The following INO80C variants were observed in gnomAD, a reference collection of about 807,000 sequenced individuals.
The protein encoded by INO80C is IES6 homolog.
A neutral mutation model predicts 17.7 loss-of-function variants in INO80C; 17 were observed. The observed-to-expected ratio is 0.96, with a 90% confidence interval of 0.66 to 1.44. The LOEUF is 1.44. Ranked by LOEUF, INO80C falls within the 40% of genes most tolerant of loss-of-function variation. The probability of loss-of-function intolerance (pLI) is 0.00; values close to 1 mark genes in which losing one functional copy is unlikely to be tolerated. For missense variants in INO80C, 244 were observed against 245.0 expected (o/e 1.00, Z 0.03); for synonymous variants, 96 against 95.8 (o/e 1.00, Z -0.01).
intron 1 of INO80C, among the ~76,000 whole-genome samples, chr18:35,488,121 C>A (rs1480196908): frequency 6.6e-6 from 1 of 152,204 alleles, no homozygotes; most frequent in Non-Finnish European, 1.5e-5. Context: ...CACAGGCTGG[C>A]GTTGAGTGTC....
chr18:35,497,366 T>A (rs923721277), intron 1 of INO80C: 2 of 1,059,056 alleles, frequency 1.9e-6, no homozygotes, highest in Non-Finnish European at 2.3e-6. Context: ...ACTGGGTAGA[T>A]GTCTGCAGAA....
chr18:35,475,335 A>C (rs544758781), intron 4 of INO80C, among the ~76,000 whole-genome samples: 29 of 152,354 alleles, frequency 1.9e-4, no homozygotes, highest in African/African-American at 6.3e-4. Context: ...CAGACTTGAA[A>C]ATGTCATTCA....
intron 2 of INO80C, among the ~76,000 whole-genome samples, chr18:35,479,624 GAGTT>G (rs1282700380): frequency 6.6e-6 from 1 of 151,832 alleles, no homozygotes; most frequent in Non-Finnish European, 1.5e-5. Context: ...CAAAACCCTT[GAGTT>G]AGTTTGTGCT....
At chr18:35,490,084 G>A (rs1345750689) in intron 1 of INO80C, among the ~76,000 whole-genome samples, 3 of 152,172 alleles carry the variant, frequency 2.0e-5, no homozygotes, top group African/African-American at 7.2e-5. Context: ...CCTGGTTCCT[G>A]AGAAGGAAGG....
chr18:35,469,134 G>A (rs1295495247), intron 4 of INO80C, among the ~76,000 whole-genome samples: 16 of 152,162 alleles, frequency 1.1e-4, no homozygotes, highest in Admixed American at 1.0e-3. Flanking sequence ...TGCTGGGCAT[G>A]TGCCCCTCCC....
At chr18:35,495,197 T>A (rs1598753363) in intron 1 of INO80C, among the ~76,000 whole-genome samples, 1 of 152,174 alleles carries the variant, frequency 6.6e-6, no homozygotes, top group South Asian at 2.1e-4. Flanking sequence ...GGGAGGCCAA[T>A]GTGGGCAGAT....
At chr18:35,474,486 A>G (rs995535713) in intron 4 of INO80C, among the ~76,000 whole-genome samples, 2 of 151,600 alleles carry the variant, frequency 1.3e-5, no homozygotes, top group African/African-American at 4.8e-5. Flanking sequence ...CCGGGAGTTC[A>G]GGACCAGCCT....
At chr18:35,470,501 T>G (rs1277230669) in intron 4 of INO80C, among the ~76,000 whole-genome samples, 3 of 152,184 alleles carry the variant, frequency 2.0e-5, no homozygotes, top group Non-Finnish European at 2.9e-5. Flanking sequence ...TTAGGTTAAC[T>G]AGCAGGAGAG....
intron 1 of INO80C, among the ~76,000 whole-genome samples, chr18:35,496,139 T>C (rs751760551): frequency 2.0e-5 from 3 of 152,248 alleles, no homozygotes; most frequent in Non-Finnish European, 4.4e-5. Flanking sequence ...GCCTACCTTC[T>C]GACTCAGCAA....
At chr18:35,477,518 C>A (rs1412033337) in intron 4 of INO80C, among the ~76,000 whole-genome samples, 1 of 152,072 alleles carries the variant, frequency 6.6e-6, no homozygotes, top group African/African-American at 2.4e-5. Context: ...AGGATTAAGA[C>A]CCTGACATGC....
chr18:35,474,231 A>ATATATATATATATATG (rs1555636173), intron 4 of INO80C, among the ~76,000 whole-genome samples: 3 of 133,688 alleles, frequency 2.2e-5, no homozygotes, highest in African/African-American at 8.3e-5. Context: ...ATATATATAT[A>ATATATATATATATATG]TATATATATA....
chr18:35,487,631 T>C (rs1043754526), intron 1 of INO80C: 1 of 161,906 alleles, frequency 6.2e-6, no homozygotes, highest in Non-Finnish European at 1.4e-5. Flanking sequence ...CAATTCAAGA[T>C]GAGATTTGGG....
intron 4 of INO80C, among the ~76,000 whole-genome samples, chr18:35,470,943 G>T (rs981583751): frequency 1.3e-5 from 2 of 152,138 alleles, no homozygotes; most frequent in African/African-American, 4.8e-5. Context: ...ACAGCTTCAG[G>T]CCCCCCTTGC....
At chr18:35,496,737 GCAGGTCTCGAA>G (rs2045985134) in intron 1 of INO80C, 1 of 152,202 alleles carries the variant, frequency 6.6e-6, no homozygotes, top group Non-Finnish European at 1.5e-5. Flanking sequence ...GGGTTGGGGA[GCAGGTCTCGAA>G]CTCCTGTCCT....
At chr18:35,496,910 G>A (rs990314698) in intron 1 of INO80C, 1 of 152,194 alleles carries the variant, frequency 6.6e-6, no homozygotes, top group African/African-American at 2.4e-5. Flanking sequence ...ATATTAAAAG[G>A]TTAAAATAAA....
intron 4 of INO80C, among the ~76,000 whole-genome samples, chr18:35,473,045 A>G (rs2045689023): frequency 6.6e-6 from 1 of 152,162 alleles, no homozygotes; most frequent in South Asian, 2.1e-4. Context: ...TGGAATAATG[A>G]TTCTCCCTCC....
At chr18:35,485,207 C>G (rs1464275177) in intron 1 of INO80C, among the ~76,000 whole-genome samples, 1 of 151,930 alleles carries the variant, frequency 6.6e-6, no homozygotes, top group Non-Finnish European at 1.5e-5. Flanking sequence ...CATGGGGGTA[C>G]CAAAACTTAG....
At chr18:35,471,485 G>A (rs1002876865) in intron 4 of INO80C, among the ~76,000 whole-genome samples, 5 of 152,168 alleles carry the variant, frequency 3.3e-5, no homozygotes, top group Admixed American at 2.0e-4. Context: ...TATGCATTGA[G>A]CTCAAGAACA....
At chr18:35,480,744 G>A (rs925464432) in intron 1 of INO80C, among the ~76,000 whole-genome samples, 181 bp from the exon 2 acceptor site, 1 of 152,202 alleles carries the variant, frequency 6.6e-6, no homozygotes, top group African/African-American at 2.4e-5. Flanking sequence ...AGCACCTGCT[G>A]TGCAGAAGCC....
Sources: allele counts gnomAD v4.1 joint callset (sites outside exome capture counted in the v4.1 genomes callset), GRCh38; gene constraint gnomAD v4.1.1; transcripts MANE v1.5; gene names NCBI Gene and HGNC (gene_info 2026-07-23, HGNC 2026-07-21).